The following TTC27 variants were observed in gnomAD, a reference collection of about 807,000 sequenced individuals.
The protein encoded by TTC27 is tetratricopeptide repeat protein 27.
A neutral mutation model predicts 115.9 loss-of-function variants in TTC27; 79 were observed. The ratio of observed to expected loss-of-function variants is 0.68; its 90% CI spans 0.57 to 0.82. The LOEUF (loss-of-function observed/expected upper bound fraction) is 0.82, where lower values mean the gene tolerates loss of function less well. TTC27 is among the 40% of genes least tolerant of loss of function. The pLI, the probability that TTC27 is intolerant of heterozygous loss-of-function variation, is 0.00. For missense variants in TTC27, 1,054 were observed against 993.1 expected (o/e 1.06, Z -0.82); for synonymous variants, 401 against 356.0 (o/e 1.13, Z -1.42).
intron 12 of TTC27, 128 bp downstream of exon 12, chr2:32,736,944 G>A: frequency 7.6e-7 from 1 of 1,318,454 alleles, no homozygotes; most frequent in African/African-American, 1.5e-5. Flanking sequence ...TTTTTTTCCA[G>A]AAAACTTTTA....
intron 16 of TTC27, among the ~76,000 whole-genome samples, chr2:32,788,373 T>A (rs4952294): frequency 0.47 from 71,550 of 151,958 alleles, 17,670 homozygotes; most frequent in African/African-American, 0.61. Context: ...CAGGCTGAAT[T>A]AGTTTACACA....
At position 32,733,849 on chromosome 2, in the gene TTC27, G is replaced by A. The variant is rs200173708; in HGVS notation, c.1255G>A (p.Asp419Asn). 3.2e-4 allele frequency: 513 copies of A among 1,610,906 alleles called. No homozygotes were observed. Among genetic ancestry groups the A allele is most frequent in the Non-Finnish European group, 4.1e-4 (488 of 1,178,412 alleles). Residue 419 changes from aspartate to asparagine, a missense_variant, in exon 11 of 20, where the codon GAT becomes AAT. Coordinates refer to ENST00000317907, the MANE Select transcript of TTC27 (RefSeq NM_017735.5). ...TAAGGCTCTTGCAGACCAATTTGAA[G>A]ATAAAACTACATCTGTATTGGAACG... is the stretch of plus-strand genomic sequence containing the variant. ...QTQALADQFE[D>N]KTTSVLERLK...
At chr2:32,705,109 C>T (rs750855249) in intron 10 of TTC27, 1 of 332,112 alleles carries the variant, frequency 3.0e-6, no homozygotes, top group Non-Finnish European at 6.0e-6. Flanking sequence ...GCAGACCCCT[C>T]ATGAATATCC....
chr2:32,755,622 G>GGGGAGACGGAGAGGGAGAGGGAGA (rs1669207766), intron 12 of TTC27, among the ~76,000 whole-genome samples: 1 of 98,366 alleles, frequency 1.0e-5, no homozygotes, highest in Admixed American at 1.0e-4. Flanking sequence ...GGGAGACCGT[G>GGGGAGACGGAGAGGGAGAGGGAGA]GGGAGACGGA....
Position 32,812,622 on chromosome 2 carries a change from G to A in TTC27, c.2308+7G>A, listed in dbSNP as rs752707936. Reference sequence around the variant, plus strand: ...GCCTTAGGACTTGCACATGGTATTTGATGTAACATTTGATATCCATGGAAT... The same window carrying A: ...GCCTTAGGACTTGCACATGGTATTTAATGTAACATTTGATATCCATGGAAT... On this transcript the variant is annotated splice_region_variant and intron_variant, in intron 18 of 19. Coordinates refer to ENST00000317907, the MANE Select transcript of TTC27 (RefSeq NM_017735.5). 22 of 1,595,168 alleles carry A rather than the reference G, an allele frequency of 1.4e-5. No homozygotes were observed. The Admixed American group carries it at 3.0e-4, about 22-fold the overall frequency.
chr2:32,678,712 C>A, intron 8 of TTC27, 144 bp from the exon 9 acceptor site: 1 of 549,282 alleles, frequency 1.8e-6, no homozygotes, highest in Non-Finnish European at 3.1e-6. Context: ...CAGGTGTGAG[C>A]CACTGTGCCC....
intron 13 of TTC27, among the ~76,000 whole-genome samples, chr2:32,775,254 G>C (rs1669954713): frequency 6.6e-6 from 1 of 152,198 alleles, no homozygotes; most frequent in African/African-American, 2.4e-5. Context: ...CTGGAGTGCA[G>C]TGGCGCCATC....
intron 15 of TTC27, 42 bp downstream of exon 15, chr2:32,782,720 TAAATG>T: frequency 1.3e-6 from 2 of 1,486,768 alleles, no homozygotes; most frequent in African/African-American, 1.4e-5. Flanking sequence ...GCTTCCCAAA[TAAATG>T]AATGAGATTT....
intron 12 of TTC27, among the ~76,000 whole-genome samples, chr2:32,748,490 T>A (rs949432285): frequency 6.6e-6 from 1 of 152,188 alleles, no homozygotes; most frequent in African/African-American, 2.4e-5. Flanking sequence ...TTTTGTGTAG[T>A]TATTCTGTCC....
At chr2:32,639,179 A>G (rs1664543722) in intron 3 of TTC27, among the ~76,000 whole-genome samples, 1 of 152,186 alleles carries the variant, frequency 6.6e-6, no homozygotes, top group Non-Finnish European at 1.5e-5. Context: ...CATCAGGAAA[A>G]CAATTGTGGG....
At chr2:32,685,000 C>T (rs1666579787) in intron 9 of TTC27, among the ~76,000 whole-genome samples, 1 of 142,512 alleles carries the variant, frequency 7.0e-6, no homozygotes, top group African/African-American at 2.6e-5. Flanking sequence ...ACTAATTGCT[C>T]TGCTTTGCCT....
chr2:32,691,759 A>G (rs1666819462), intron 9 of TTC27, among the ~76,000 whole-genome samples: 1 of 151,858 alleles, frequency 6.6e-6, no homozygotes, highest in African/African-American at 2.4e-5. Context: ...CAACAGTCAT[A>G]AAAATATTAA....
intron 2 of TTC27, 87 bp downstream of exon 2, chr2:32,630,787 T>C: frequency 3.3e-6 from 4 of 1,228,206 alleles, no homozygotes; most frequent in Non-Finnish European, 4.4e-6. Context: ...ATTTTAGCAG[T>C]TGAGAAACCT....
chr2:32,733,149 C>T (rs1668348576), intron 10 of TTC27, among the ~76,000 whole-genome samples: 1 of 152,166 alleles, frequency 6.6e-6, no homozygotes, highest in Non-Finnish European at 1.5e-5. Context: ...TTGCAGTTGG[C>T]CCTGGTACCT....
intron 16 of TTC27, among the ~76,000 whole-genome samples, chr2:32,799,936 G>C (rs1217665246): frequency 4.6e-5 from 7 of 152,200 alleles, no homozygotes; most frequent in Non-Finnish European, 8.8e-5. Context: ...TGAGAAGCAG[G>C]ATGTGTTGTA....
chr2:32,766,495 A>G (rs1282964313), intron 13 of TTC27: 1 of 456,738 alleles, frequency 2.2e-6, no homozygotes, highest in Admixed American at 2.4e-5. Context: ...GGAGAGGGAG[A>G]AGATAGGAGA....
intron 1 of TTC27, among the ~76,000 whole-genome samples, chr2:32,629,216 G>T (rs1159916295): frequency 6.6e-6 from 1 of 151,432 alleles, no homozygotes; most frequent in Admixed American, 6.6e-5. Flanking sequence ...CCGCTTCCCC[G>T]GTTCAAGCGA....
At chr2:32,810,375 A>G (rs915743065) in intron 16 of TTC27, among the ~76,000 whole-genome samples, 2 of 152,214 alleles carry the variant, frequency 1.3e-5, no homozygotes, top group Non-Finnish European at 2.9e-5. Context: ...TAAATAGGAC[A>G]TTAGGAATGT....
intron 9 of TTC27, among the ~76,000 whole-genome samples, chr2:32,702,553 C>G (rs1356971822): frequency 6.6e-6 from 1 of 151,986 alleles, no homozygotes; most frequent in Non-Finnish European, 1.5e-5. Context: ...GTTAAGATGC[C>G]CCTTCTAGGA....
Sources: allele counts gnomAD v4.1 joint callset (sites outside exome capture counted in the v4.1 genomes callset), GRCh38; gene constraint gnomAD v4.1.1; transcripts MANE v1.5; gene names NCBI Gene and HGNC (gene_info 2026-07-23, HGNC 2026-07-21).